The following FBLN1 variants were observed in gnomAD, a reference collection of about 807,000 sequenced individuals.
The protein encoded by FBLN1 is fibulin-1.
A neutral mutation model predicts 89.7 loss-of-function variants in FBLN1; 34 were observed. The observed-to-expected ratio is 0.38, with a 90% CI of 0.29 to 0.50. FBLN1 has a LOEUF of 0.50. Ranked by LOEUF, FBLN1 falls within the 20% of genes least tolerant of loss-of-function variation. FBLN1 has a pLI of 0.92. For synonymous variants in FBLN1, 393 were observed against 391.3 expected, an observed-to-expected ratio of 1.00 and a Z score of -0.05; for missense variants, 777 against 988.1, an observed-to-expected ratio of 0.79 and a Z score of 2.86.
At chr22:45,566,521 T>C (rs997034212) in intron 14 of FBLN1, among the ~76,000 whole-genome samples, 4 of 152,066 alleles carry the variant, frequency 2.6e-5, no homozygotes, top group Admixed American at 6.6e-5. Context: ...GAGCAGGAGG[T>C]TGAATTTCCT....
rs574577014 is a variant in FBLN1 at position 45,546,934 on chromosome 22, C to T, written c.1322-151C>T. On this transcript the variant is annotated intron_variant, in intron 11 of 16. Transcript: ENST00000327858. Reference sequence around the variant, plus strand: ...CGGAGCCACCAGCGATGACGCCTCTCCCTCGGCCACACCCCCCGGGACCTC... The same window carrying T: ...CGGAGCCACCAGCGATGACGCCTCTTCCTCGGCCACACCCCCCGGGACCTC... The T allele has an allele frequency of 8.2e-6, 10 of 1,225,204 alleles. No individual in the cohort carries two copies. The African/African-American group carries it at 1.0e-4, about 13-fold the overall frequency. 75.9% of individuals were successfully genotyped at this position (1,225,204 alleles called of 1,614,324 possible).
rs2088980802 is a variant in FBLN1, at chr22:45,574,783, T to C, written c.1840+130T>C. 5.5e-5 allele frequency: 43 copies of C among 781,230 alleles called. No individual in the cohort carries two copies. The highest frequency in any genetic ancestry group is 6.3e-5 in the Non-Finnish European group (32 of 509,748). 48.4% of individuals were successfully genotyped at this position (781,230 alleles called of 1,614,324 possible). ...CTTTGAAATGCAGAACTTTCTTTTT[T>C]TTTTTTTTTTTTTTTTGAGACGGAG... On this transcript the variant is annotated intron_variant, in intron 15 of 16. Coordinates refer to ENST00000327858, the MANE Select transcript of FBLN1 (RefSeq NM_006486.3). This position sits in a 1 kb window ranked among gnomAD's most constrained non-coding sequence, Gnocchi z 4.1.
At chr22:45,568,333 A>G (rs1384905389) in intron 14 of FBLN1, among the ~76,000 whole-genome samples, 2 of 152,284 alleles carry the variant, frequency 1.3e-5, no homozygotes, top group African/African-American at 2.4e-5. Context: ...TCTGGAGGCC[A>G]GAAGTCCAAA....
chr22:45,551,488 T>C (rs1415977863), intron 14 of FBLN1, among the ~76,000 whole-genome samples: 2 of 152,214 alleles, frequency 1.3e-5, no homozygotes, highest in Admixed American at 6.5e-5. Flanking sequence ...CCCTGGCTTG[T>C]GGCATAGCAA....
chr22:45,549,377 C>T lies in FBLN1; in HGVS notation c.1573+633C>T, dbSNP rs1415112737. ...TGGAGGTGGGGCTGTCCAGCCAGTT[C>T]CTCGGGAGCCCCACACAGGACTGTG... On this transcript the variant is annotated intron_variant, in intron 13 of 16. Transcript: ENST00000327858. The surrounding 1 kb of genome is among the most constrained non-coding windows in gnomAD (Gnocchi z 5.7). Among the ~76,000 whole-genome samples, 1 of 152,196 alleles carries T rather than the reference C, an allele frequency of 6.6e-6. No individual in the cohort carries two copies. Among genetic ancestry groups the T allele is most frequent in the African/African-American group, 2.4e-5 (1 of 41,452 alleles).
At chr22:45,564,803 A>T in intron 14 of FBLN1, 1 of 1,542,262 alleles carries the variant, frequency 6.5e-7, no homozygotes, top group Non-Finnish European at 8.9e-7. Context: ...ATGTCTGTTC[A>T]GGGAACAGAT....
chr22:45,547,337 TC>T, intron 12 of FBLN1, 133 bp downstream of exon 12: 1 of 1,131,646 alleles, frequency 8.8e-7, no homozygotes, highest in Non-Finnish European at 1.3e-6. Context: ...ACCTTCCATG[TC>T]CACCCTTGGA....
chr22:45,527,207 C>T (rs1254433821), intron 3 of FBLN1, among the ~76,000 whole-genome samples: 3 of 152,154 alleles, frequency 2.0e-5, no homozygotes, highest in South Asian at 2.1e-4. Context: ...CAGGGCTTTT[C>T]GTGTGTCAGG....
At chr22:45,592,720 A>G (rs1385040123) in intron 16 of FBLN1, among the ~76,000 whole-genome samples, 1 of 152,112 alleles carries the variant, frequency 6.6e-6, no homozygotes, top group Non-Finnish European at 1.5e-5. Flanking sequence ...GAATTTACTG[A>G]GGCCTGGTGA....
intron 16 of FBLN1, among the ~76,000 whole-genome samples, chr22:45,587,294 C>CTTCCTATCTCCCTCG (rs2089095969): frequency 7.2e-6 from 1 of 139,452 alleles, no homozygotes; most frequent in African/African-American, 2.8e-5. Context: ...CAGCCCAGAG[C>CTTCCTATCTCCCTCG]CCCACTTTTC....
In FBLN1 at chr22:45,595,307, A is replaced by C. The variant is rs368988084; in HGVS notation, c.1973-5000A>C. On this transcript the variant is annotated intron_variant, in intron 16 of 16. Transcript: ENST00000327858. ...GATAGAGAAGCGGATTTGGAAGGTCAGGAAGGGGTGCACATTCCTTGAGCG... is the reference window on the plus strand; with the variant it reads ...GATAGAGAAGCGGATTTGGAAGGTCCGGAAGGGGTGCACATTCCTTGAGCG... 9.2e-5 allele frequency among the ~76,000 whole-genome samples: 14 copies of C among 152,226 alleles called. No homozygotes were observed. The East Asian group carries it at 1.3e-3, about 15-fold the overall frequency.
intron 8 of FBLN1, among the ~76,000 whole-genome samples, chr22:45,539,586 C>T (rs1334487977): frequency 1.3e-5 from 2 of 152,260 alleles, no homozygotes; most frequent in South Asian, 2.1e-4. Context: ...GTCGGCAGGT[C>T]CTGGGGCAGG....
rs568762656 is a variant in FBLN1, at chr22:45,574,335, T to C, written c.1698-176T>C. Among the ~76,000 whole-genome samples the C allele has an allele frequency of 3.2e-4, 49 of 152,326 alleles. No homozygotes were observed. The highest frequency in any genetic ancestry group is 9.6e-4 in the African/African-American group (40 of 41,562). ...CCGGTCCAGTTTGCAGGAAGGGCCA[T>C]GAAGCCTCCCCACAGAGCAGCCAGG... is the stretch of plus-strand genomic sequence containing the variant. On this transcript the variant is annotated intron_variant, in intron 14 of 16. Transcript: ENST00000327858. The surrounding 1 kb of genome is among the most constrained non-coding windows in gnomAD (Gnocchi z 4.1).
chr22:45,573,808 T>C, intron 14 of FBLN1, among the ~76,000 whole-genome samples: 1 of 152,062 alleles, frequency 6.6e-6, no homozygotes, highest in East Asian at 1.9e-4. Context: ...CTGGCCAAGT[T>C]CTCTTTCTTG....
chr22:45,571,205 G>A (rs994678253), intron 14 of FBLN1, among the ~76,000 whole-genome samples: 2 of 149,136 alleles, frequency 1.3e-5, no homozygotes, highest in African/African-American at 4.9e-5. Flanking sequence ...ATTTATAAAG[G>A]AAAAAAAATG....
chr22:45,559,980 A>G (rs1420833819), intron 14 of FBLN1, among the ~76,000 whole-genome samples: 1 of 152,116 alleles, frequency 6.6e-6, no homozygotes. Flanking sequence ...TTTTTTTGTA[A>G]TTCAAATTAG....
chr22:45,546,926 A>G (rs2088636109), intron 11 of FBLN1, among the ~76,000 whole-genome samples, 159 bp from the exon 12 acceptor site: 1 of 152,106 alleles, frequency 6.6e-6, no homozygotes, highest in Admixed American at 6.5e-5. Flanking sequence ...ACCAGCGATG[A>G]CGCCTCTCCC....
In FBLN1 at chr22:45,533,156, C is replaced by T. The variant is rs924863625; in HGVS notation, c.638C>T (p.Ser213Phe). The change falls in exon 6 of 17, where the codon TCC becomes TTC. Residue 213 changes from serine (S) to phenylalanine (F), a missense_variant. Ser to Phe is a radical substitution (Grantham distance 155). Transcript: ENST00000327858. ...TACCAGCTGCTGTCTGATGGTGTCT[C>T]CTGTGAAGGTAATGTCCCTATCCCA... Reference protein sequence around the residue: ...VGYQLLSDGVSCEDVNECITG... With the variant: ...VGYQLLSDGVFCEDVNECITG... 1.5e-5 allele frequency: 25 copies of T among 1,613,990 alleles called. No homozygotes were observed. The highest frequency in any genetic ancestry group is 2.1e-5 in the Non-Finnish European group (25 of 1,179,832).
Position 45,541,361 on chromosome 22 carries a change from C to T in FBLN1, c.1055C>T (p.Thr352Met), listed in dbSNP as rs540607391. 54 of 1,614,236 alleles carry T rather than the reference C, an allele frequency of 3.3e-5. No homozygotes were observed. The highest frequency in any genetic ancestry group is 5.3e-5 in the African/African-American group (4 of 75,064). ...GRGYHLNEEG[T>M]RCVDVDECAP... is the part of the protein sequence containing the mutation. ...GGCTACCATCTCAACGAGGAGGGAA[C>T]GCGCTGTGTTGGTTGGTATTAAGAA... The change falls in exon 9 of 17, where the codon ACG (threonine) becomes ATG (methionine). Residue 352 changes from threonine to methionine, a missense_variant. Thr to Met is a moderately conservative substitution (Grantham distance 81). Transcript: ENST00000327858.
Sources: gnomAD v4.1 joint callset for allele counts (sites outside exome capture counted in the v4.1 genomes callset) on GRCh38, gnomAD v4.1.1 for gene constraint, Gnocchi (gnomAD v3.1) non-coding constraint, MANE v1.5 for transcripts, NCBI Gene and HGNC (gene_info 2026-07-23, HGNC 2026-07-21) for gene names.